ZNF83: variants seen among roughly 807,000 people sequenced by gnomAD.
ZNF83 encodes the protein zinc finger protein 816B.
For missense variants in ZNF83, 552 were observed against 629.9 expected, an observed-to-expected ratio of 0.88 and a Z score of 1.32; for synonymous variants, 209 against 213.0, an observed-to-expected ratio of 0.98 and a Z score of 0.17.
upstream of ZNF83, among the ~76,000 whole-genome samples, chr19:52,640,663 C>T (rs329957): frequency 0.097 from 14,748 of 152,098 alleles, 1,353 homozygotes; most frequent in East Asian, 0.42. Context: ...GCAACCAGCG[C>T]CCCAGTCCAC....
chr19:52,654,272 T>C (rs1200088889), intron 3 of ZNF83: 18 of 1,558,022 alleles, frequency 1.2e-5, no homozygotes, highest in South Asian at 6.7e-5. Flanking sequence ...TGAATATCTT[T>C]CTTGATTTCT....
At chr19:52,639,787 C>G (rs1466022431), upstream of ZNF83, among the ~76,000 whole-genome samples, 1 of 151,920 alleles carries the variant, frequency 6.6e-6, no homozygotes, top group Middle Eastern at 3.2e-3. Context: ...AAATCTTCCC[C>G]CCAATGAGAA....
chr19:52,685,415 A>G (rs1182706026), intron 1 of ZNF83, among the ~76,000 whole-genome samples: 1 of 152,130 alleles, frequency 6.6e-6, no homozygotes, highest in Non-Finnish European at 1.5e-5. Context: ...TCTTTCAAAT[A>G]CCTGGGCTAA....
chr19:52,626,949 C>G (rs751504957), intron 2 of ZNF83, among the ~76,000 whole-genome samples: 4 of 152,072 alleles, frequency 2.6e-5, no homozygotes, highest in Non-Finnish European at 4.4e-5. Flanking sequence ...CTGAGGCAAC[C>G]GAAAAGTACA....
chr19:52,655,437 A>T, intron 3 of ZNF83: 1 of 928,108 alleles, frequency 1.1e-6, no homozygotes, highest in Non-Finnish European at 1.7e-6. Flanking sequence ...TCATCACTGC[A>T]GAAAACAATG....
At position 52,620,270 on chromosome 19, in the gene ZNF83, C is replaced by CTGTGTGTGTGTG. The variant is rs377267661; in HGVS notation, c.-233-5485_-233-5474dup. Among the ~76,000 whole-genome samples, 506 of 144,516 alleles carry CTGTGTGTGTGTG rather than the reference C, an allele frequency of 3.5e-3. 2 individuals carry two copies. The highest frequency in any genetic ancestry group is 0.011 in the African/African-American group (413 of 38,412). The allele number at this position is 144,516 out of a possible 152,430, so 94.8% of individuals were successfully genotyped here. A position where few individuals can be genotyped will look rare whatever the true frequency, so the allele number is the denominator to read the frequency against. On this transcript the variant is annotated intron_variant, in intron 2 of 2. Coordinates refer to ENST00000301096, the Ensembl canonical transcript of ZNF83. ...TGTGTATATCTGTGTGTGTATATCT[C>CTGTGTGTGTGTG]TGTGTGTGTGTGTGTGTGTGTGTAT... is the stretch of plus-strand genomic sequence containing the variant.
intron 2 of ZNF83, among the ~76,000 whole-genome samples, chr19:52,622,862 TAG>T (rs1345600661): frequency 6.6e-6 from 1 of 152,160 alleles, no homozygotes; most frequent in African/African-American, 2.4e-5. Flanking sequence ...TGTGCAATAA[TAG>T]AGAGGAGGCA....
At chr19:52,643,159 AGAGT>A (rs1417969887), upstream of ZNF83, among the ~76,000 whole-genome samples, 2 of 116,184 alleles carry the variant, frequency 1.7e-5, no homozygotes, top group Non-Finnish European at 3.4e-5. Flanking sequence ...GCTGGGCGAC[AGAGT>A]GAGACTCAAA....
chr19:52,637,317 C>G (rs561716825), intron 1 of ZNF83, among the ~76,000 whole-genome samples: 1 of 152,192 alleles, frequency 6.6e-6, no homozygotes, highest in East Asian at 1.9e-4. Context: ...CACAGATCCC[C>G]AGGTGTCCTC....
At position 52,685,897 on chromosome 19, in the gene ZNF83, CAAAAAAAAAAAA is replaced by C. The variant is rs3055370; in HGVS notation, c.-283+4534_-283+4545del. On this transcript the variant is annotated intron_variant, in intron 1 of 5. Transcript: ENST00000594682. ...CTGGGGAACAAGAGTGTAACTGTCACAAAAAAAAAAAAAAAAAAAAAAAAAAAAATACAGGAG... is the reference window on the plus strand; with the variant it reads ...CTGGGGAACAAGAGTGTAACTGTCACAAAAAAAAAAAAAAAAATACAGGAG... Among the ~76,000 whole-genome samples, 106 of 132,536 alleles carry C rather than the reference CAAAAAAAAAAAA, an allele frequency of 8.0e-4. 1 individual carries two copies. The highest frequency in any genetic ancestry group is 2.2e-3 in the African/African-American group (89 of 39,962). The allele number at this position is 132,536 out of a possible 152,430, so 86.9% of individuals were successfully genotyped here.
intron 2 of ZNF83, among the ~76,000 whole-genome samples, chr19:52,621,155 T>C (rs2060527999): frequency 6.6e-6 from 1 of 152,146 alleles, no homozygotes; most frequent in Non-Finnish European, 1.5e-5. Context: ...AGGAGACTGA[T>C]CCCCTGTCCT....
In ZNF83 at chr19:52,658,437, G is replaced by A. The variant is rs550476621; in HGVS notation, c.-201+2325C>T. Reference sequence around the variant, plus strand: ...AACAATTAGCCAGGTGTGGTGGTGCGCACCTGTAACCTCAGTTACTTGGGA... The same window carrying A: ...AACAATTAGCCAGGTGTGGTGGTGCACACCTGTAACCTCAGTTACTTGGGA... On this transcript the variant is annotated intron_variant, in intron 2 of 5. Coordinates refer to the ZNF83 transcript ENST00000594682. Among the ~76,000 whole-genome samples, 15 of 152,216 alleles carry A rather than the reference G, an allele frequency of 9.9e-5. No individual in the cohort carries two copies. In the East Asian group the frequency reaches 2.7e-3, roughly 27 times the overall value.
exon 3 of ZNF83, chr19:52,613,063 A>G (rs2060156298): frequency 1.2e-6 from 2 of 1,611,816 alleles, no homozygotes; most frequent in Non-Finnish European, 1.7e-6. Flanking sequence ...CTGATGACGT[A>G]CAAGATATGA....
chr19:52,614,728 T>A lies in ZNF83; in HGVS notation c.-164A>T. 7.5e-7 allele frequency: 1 copy of A among 1,325,338 alleles called. No homozygotes were observed. Among genetic ancestry groups the A allele is most frequent in the South Asian group, 2.5e-5 (1 of 39,952 alleles). 82.1% of individuals were successfully genotyped at this position (1,325,338 alleles called of 1,614,324 possible). A position where few individuals can be genotyped will look rare whatever the true frequency, so the allele number is the denominator to read the frequency against. ...TTCATGTCTTTCCAACATTACTGTC[T>A]GGAATATTTCTCCTGTATTACTCTC... On this transcript the variant is annotated 5_prime_UTR_variant, in exon 3 of 3. It introduces an in-frame stop codon into an upstream open reading frame of the 5' UTR. Coordinates refer to ENST00000301096, the Ensembl canonical transcript of ZNF83.
chr19:52,689,004 C>T (rs2062097532), intron 1 of ZNF83, among the ~76,000 whole-genome samples: 1 of 150,008 alleles, frequency 6.7e-6, no homozygotes, highest in Non-Finnish European at 1.5e-5. Flanking sequence ...ACTCTTTTTC[C>T]AGGCTTCTTA....
At chr19:52,682,002 C>T (rs1204988513) in intron 1 of ZNF83, among the ~76,000 whole-genome samples, 1 of 152,118 alleles carries the variant, frequency 6.6e-6, no homozygotes, top group Non-Finnish European at 1.5e-5. Flanking sequence ...CACCTGCCAC[C>T]ACACCCAGCT....
intron 3 of ZNF83, chr19:52,655,342 T>C: frequency 2.2e-6 from 1 of 445,936 alleles, no homozygotes; most frequent in Non-Finnish European, 4.0e-6. Flanking sequence ...ATTCTATTAG[T>C]CAAAGTGTTC....
chr19:52,645,880 T>C (rs1024883558), intron 3 of ZNF83, among the ~76,000 whole-genome samples: 3 of 151,652 alleles, frequency 2.0e-5, no homozygotes, highest in Non-Finnish European at 4.4e-5. Context: ...AGTAAATCTA[T>C]TACACAAGAG....
At chr19:52,626,175 T>C (rs1377767219) in intron 2 of ZNF83, among the ~76,000 whole-genome samples, 1 of 152,242 alleles carries the variant, frequency 6.6e-6, no homozygotes, top group African/African-American at 2.4e-5. Context: ...GCTTCCACTA[T>C]TGCCCTTGGA....
Sources: gnomAD v4.1 joint callset for allele counts (sites outside exome capture counted in the v4.1 genomes callset) on GRCh38, gnomAD v4.1.1 for gene constraint, MANE v1.5 for transcripts, NCBI Gene and HGNC (gene_info 2026-07-23, HGNC 2026-07-21) for gene names.